PLEC: variants seen among roughly 807,000 people sequenced by gnomAD.
PLEC encodes the protein plectin.
A neutral mutation model predicts 392.8 loss-of-function variants in PLEC; 216 were observed. That is an observed-to-expected ratio of 0.55 (90% CI 0.49 to 0.62). The LOEUF (loss-of-function observed/expected upper bound fraction) is 0.62, where lower values mean the gene tolerates loss of function less well. Ranked by LOEUF, PLEC falls within the 20% of genes least tolerant of loss-of-function variation. PLEC has a pLI of 0.00. For synonymous variants in PLEC, 3,621 were observed against 2,980.6 expected, an observed-to-expected ratio of 1.21 and a Z score of -7.00; for missense variants, 6,863 against 6,563.4, an observed-to-expected ratio of 1.05 and a Z score of -1.58.
rs1282887611 is a variant in PLEC, at chr8:143,938,154, G to A, written c.261C>T (p.Ser87=). The A allele has an allele frequency of 4.4e-6, 7 of 1,602,334 alleles. No individual in the cohort carries two copies. In the Admixed American group the frequency reaches 5.0e-5, roughly 12 times the overall value. The part of the protein sequence containing the change: ...ISLLEVLSGD[S]LPREKGRMRF... ...GAGGGGGCAGGGGCACACGTACCAG[G>A]CTGTCCCCCGAGAGGACCTCCAGCA... The change falls in exon 3 of 32, where the codon AGC becomes AGT. Residue 87 remains serine (S), a synonymous_variant. Coordinates refer to ENST00000345136, the MANE Select transcript of PLEC (RefSeq NM_201384.3).
At chr8:143,950,067 G>A (rs1351095117) in intron 1 of PLEC, 67 of 1,326,336 alleles carry the variant, frequency 5.1e-5, no homozygotes, top group African/African-American at 2.4e-4. Flanking sequence ...TGGTGTGAGC[G>A]ACGCTCCGCA....
chr8:143,927,662 C>A lies in PLEC; in HGVS notation c.3504G>T (p.Gly1168=). The change falls in exon 27 of 32, where the codon GGG becomes GGT. Residue 1168 remains glycine (G), a synonymous_variant. Coordinates refer to ENST00000345136, the MANE Select transcript of PLEC (RefSeq NM_201384.3). ...AGCGCTCCACCTCCACGTCCCGCTC[C>A]CCGTGCCGCTGCTGCAGTCGCTCCC... The part of the protein sequence containing the change: ...EVGERLQQRH[G]ERDVEVERWR... 6.3e-7 allele frequency: 1 copy of A among 1,582,014 alleles called. No homozygotes were observed. The highest frequency in any genetic ancestry group is 1.1e-5 in the South Asian group (1 of 87,858).
intron 19 of PLEC, 98 bp from the exon 20 acceptor site, chr8:143,930,634 T>C: frequency 7.6e-7 from 1 of 1,309,082 alleles, no homozygotes; most frequent in Non-Finnish European, 1.1e-6. Flanking sequence ...GGGGCCCTCC[T>C]GATGCTCCCG....
upstream of PLEC, among the ~76,000 whole-genome samples, chr8:143,954,527 T>A (rs375092555): frequency 2.6e-5 from 4 of 152,152 alleles, no homozygotes; most frequent in East Asian, 5.8e-4. The surrounding 1 kb of genome is among the most constrained non-coding windows in gnomAD (Gnocchi z 4.6). Flanking sequence ...TGCCGCCAGA[T>A]GACACTGCAG....
chr8:143,929,836 G>T lies in PLEC; in HGVS notation c.2740-7C>A. ...CTGGCTTCAGGGTGCGGAACTGGGG[G>T]AAGCACGTGGGGCTGAGTGCCGGGC... is the stretch of plus-strand genomic sequence containing the variant. On this transcript the variant is annotated splice_region_variant and splice_polypyrimidine_tract_variant and intron_variant, in intron 22 of 31. Coordinates refer to ENST00000345136, the MANE Select transcript of PLEC (RefSeq NM_201384.3). The T allele has an allele frequency of 1.3e-6, 2 of 1,599,632 alleles. No individual in the cohort carries two copies. The highest frequency in any genetic ancestry group is 2.7e-5 in the African/African-American group (2 of 74,996).
In PLEC at chr8:143,935,700, C is replaced by T. The variant is rs544520295; in HGVS notation, c.602+148G>A. The T allele has an allele frequency of 1.3e-4, 104 of 824,406 alleles. 1 individual carries two copies. In the East Asian group the frequency reaches 2.8e-3, roughly 22 times the overall value. 51.1% of individuals were successfully genotyped at this position (824,406 alleles called of 1,614,324 possible). A position where few individuals can be genotyped will look rare whatever the true frequency, so the allele number is the denominator to read the frequency against. ...GAAGGACACCAGGGTGGGGCTGGGCCCTGAACTCCACCACCCCGAGGCGGC... is the reference window on the plus strand; with the variant it reads ...GAAGGACACCAGGGTGGGGCTGGGCTCTGAACTCCACCACCCCGAGGCGGC... On this transcript the variant is annotated intron_variant, in intron 6 of 31. Coordinates refer to ENST00000345136, the MANE Select transcript of PLEC (RefSeq NM_201384.3).
At chr8:143,973,697 T>TCCCG (rs1833556477), upstream of PLEC, among the ~76,000 whole-genome samples, 1 of 149,974 alleles carries the variant, frequency 6.7e-6, no homozygotes. This position sits in a 1 kb window ranked among gnomAD's most constrained non-coding sequence, Gnocchi z 5.6. Context: ...GGGCTCCGAG[T>TCCCG]CCCGCACGCA....
chr8:143,941,472 T>C (rs1212254751), upstream of PLEC, among the ~76,000 whole-genome samples: 4 of 151,838 alleles, frequency 2.6e-5, no homozygotes, highest in Admixed American at 2.0e-4. Context: ...CGGTGGGGAC[T>C]CCAGACACGG....
At position 143,934,621 on chromosome 8, in the gene PLEC, G is replaced by A; in HGVS notation, c.1041+14C>T. On this transcript the variant is annotated intron_variant, in intron 10 of 31. Transcript: ENST00000345136. ...TTCCAGGACACCACCCACCCCTCCA[G>A]CGGTCCCACTCACCTCCAGGGATTG... The A allele has an allele frequency of 6.2e-7, 1 of 1,611,650 alleles. No individual in the cohort carries two copies. The highest frequency in any genetic ancestry group is 1.3e-5 in the African/African-American group (1 of 75,022).
chr8:143,938,898 C>T (rs573789904), intron 1 of PLEC, among the ~76,000 whole-genome samples: 21 of 152,164 alleles, frequency 1.4e-4, no homozygotes, highest in African/African-American at 4.3e-4. Context: ...GCCCAGGCGC[C>T]ACCAGGTGCA....
chr8:143,940,757 G>A (rs1830310602), upstream of PLEC, among the ~76,000 whole-genome samples: 2 of 152,174 alleles, frequency 1.3e-5, no homozygotes, highest in Non-Finnish European at 1.5e-5. Context: ...GCCGTGAGGG[G>A]GCACCAGAAC....
chr8:143,922,829 G>A lies in PLEC; in HGVS notation c.7100C>T (p.Thr2367Met), dbSNP rs782618173. The change falls in exon 31 of 32, where the codon ACG becomes ATG. Residue 2367 changes from threonine to methionine, a missense_variant. Physicochemically the swap from Thr to Met is moderately conservative, Grantham distance 81. Coordinates refer to ENST00000345136, the MANE Select transcript of PLEC (RefSeq NM_201384.3). ...LAEETQGFQR[T>M]LEAERQRQLE... ...CTGCCGCTGCCGCTCGGCCTCCAGC[G>A]TCCGCTGGAAGCCCTGCGTCTCCTC... The A allele has an allele frequency of 5.2e-5, 83 of 1,583,102 alleles. No homozygotes were observed. Among genetic ancestry groups the A allele is most frequent in the South Asian group, 7.9e-5 (7 of 88,060 alleles).
intron 1 of PLEC, among the ~76,000 whole-genome samples, chr8:143,970,445 G>A (rs1833365556): frequency 6.6e-6 from 1 of 152,128 alleles, no homozygotes; most frequent in Non-Finnish European, 1.5e-5. Context: ...CCTTTACAGG[G>A]AGCTCAGACT....
In PLEC at chr8:143,932,622, T is replaced by C. The variant is rs10866916; in HGVS notation, c.1815+13A>G. On this transcript the variant is annotated intron_variant, in intron 15 of 31. Transcript: ENST00000345136. The stretch of plus-strand genomic sequence containing the variant: ...GCTACCCACCTCCCCCGGCTGGCCC[T>C]GCCCCCACTCACCAGCAGCTTGGCG... 0.38 allele frequency: 619,663 copies of C among 1,610,440 alleles called. 121,517 individuals are homozygous for C. The highest frequency in any genetic ancestry group is 0.43 in the African/African-American group (31,930 of 74,870).
Position 143,918,340 on chromosome 8 carries a change from G to A in PLEC, c.11481C>T (p.Gly3827=), listed in dbSNP as rs1172709087. ...HLPLEVAYQR[G]YLNKDTHDQL... ...GGTCGTGCGTGTCCTTGTTGAGGTA[G>A]CCACGCTGGTAAGCCACCTCCAGGG... is the stretch of plus-strand genomic sequence containing the variant. Residue 3827 remains glycine, a synonymous_variant, in exon 32 of 32, where the codon GGC becomes GGT. Coordinates refer to ENST00000345136, the MANE Select transcript of PLEC (RefSeq NM_201384.3). The A allele has an allele frequency of 5.1e-6, 8 of 1,581,986 alleles. No homozygotes were observed. Among genetic ancestry groups the A allele is most frequent in the Admixed American group, 1.8e-5 (1 of 57,010 alleles).
At chr8:143,940,792 C>A (rs1365258902), upstream of PLEC, among the ~76,000 whole-genome samples, 1 of 152,192 alleles carries the variant, frequency 6.6e-6, no homozygotes, top group Non-Finnish European at 1.5e-5. Context: ...GTGCCCAAAC[C>A]CCTCAGAGGT....
In PLEC at chr8:143,937,181, T is replaced by G; in HGVS notation, c.326A>C (p.Tyr109Ser). The part of the protein sequence containing the change: ...KLQNVQIALD[Y>S]LRHRQVKLVN... ...CAGCCTTACCTGGCGGTGCCGGAGGTAGTCCAGGGCAATCTGGACATTCTG... is the reference window on the plus strand; with the variant it reads ...CAGCCTTACCTGGCGGTGCCGGAGGGAGTCCAGGGCAATCTGGACATTCTG... Residue 109 changes from tyrosine to serine, a missense_variant, in exon 4 of 32, where the codon TAC becomes TCC. Physicochemically the swap from Tyr to Ser is moderately radical, Grantham distance 144. Transcript: ENST00000345136. The G allele has an allele frequency of 6.2e-7, 1 of 1,611,624 alleles. No individual in the cohort carries two copies. The highest frequency in any genetic ancestry group is 2.2e-5 in the East Asian group (1 of 44,778).
intron 19 of PLEC, among the ~76,000 whole-genome samples, chr8:143,930,801 C>T (rs1554714460): frequency 6.6e-6 from 1 of 152,180 alleles, no homozygotes; most frequent in East Asian, 1.9e-4. Flanking sequence ...GCTCTGGTCC[C>T]TACAATGCCC....
At position 143,919,264 on chromosome 8, in the gene PLEC, C is replaced by G. The variant is rs782217188; in HGVS notation, c.10557G>C (p.Glu3519Asp). The change falls in exon 32 of 32, where the codon GAG becomes GAC. Residue 3519 changes from glutamate (E) to aspartate (D), a missense_variant. Transcript: ENST00000345136. Reference sequence around the variant, plus strand: ...CCAGCAGCTGCCTGTACGTGAGGTTCTCATGCGTGTTGGGGTCAAAGAAGC... The same window carrying G: ...CCAGCAGCTGCCTGTACGTGAGGTTGTCATGCGTGTTGGGGTCAAAGAAGC... ...TKGFFDPNTH[E>D]NLTYRQLLER... is the part of the protein sequence containing the mutation. 4.5e-5 allele frequency: 73 copies of G among 1,613,942 alleles called. No individual in the cohort carries two copies. Among genetic ancestry groups the G allele is most frequent in the Non-Finnish European group, 6.2e-5 (73 of 1,180,052 alleles).
Sources: allele counts gnomAD v4.1 joint callset (sites outside exome capture counted in the v4.1 genomes callset), GRCh38; gene constraint gnomAD v4.1.1; non-coding constraint Gnocchi (gnomAD v3.1); transcripts MANE v1.5; gene names NCBI Gene and HGNC (gene_info 2026-07-23, HGNC 2026-07-21).